PIN4: variants seen among roughly 807,000 people sequenced by gnomAD.
PIN4 encodes peptidylprolyl cis/trans isomerase, NIMA-interacting 4.
In PIN4, 3 loss-of-function variants were observed where a neutral mutation model predicts 8.3. That is an observed-to-expected ratio of 0.36 (90% CI 0.16 to 0.93). PIN4 has a LOEUF of 0.93. Ranked by LOEUF, PIN4 falls within the 40% of genes least tolerant of loss-of-function variation. PIN4 has a pLI of 0.44. For synonymous variants in PIN4, 18 were observed against 32.5 expected (o/e 0.55, Z 1.52); for missense variants, 75 against 100.6 (o/e 0.75, Z 1.09).
intron 3 of PIN4, among the ~76,000 whole-genome samples, chrX:72,230,582 T>C (rs1403610265): frequency 8.9e-6 from 1 of 112,528 alleles, no homozygotes; most frequent in African/African-American, 3.2e-5. Flanking sequence ...TTTTGTTTCT[T>C]TCCTCTTTCT....
intron 3 of PIN4, among the ~76,000 whole-genome samples, chrX:72,223,625 G>T (rs185972246): frequency 1.8e-4 from 20 of 111,020 alleles, no homozygotes; most frequent in Admixed American, 3.8e-4. Flanking sequence ...CTGACCTCAG[G>T]TGATCCACCC....
chrX:72,215,604 A>G (rs2042883372), intron 3 of PIN4, among the ~76,000 whole-genome samples: 1 of 111,665 alleles, frequency 9.0e-6, no homozygotes, highest in South Asian at 3.7e-4. Context: ...GACTAAAAAG[A>G]CTGCTTTGCC....
At position 72,223,180 on chromosome X, in the gene PIN4, C is replaced by CA. The variant is rs1163330497; in HGVS notation, c.312+26286dup. On this transcript the variant is annotated intron_variant, in intron 3 of 3. Transcript: ENST00000423432. ...TGAAACCCCGTCTCTACTAAAAATA[C>CA]AAAAAAAAAATTAGCCGGGCATGGT... Among the ~76,000 whole-genome samples the CA allele has an allele frequency of 3.5e-3, 329 of 94,602 alleles. 2 individuals are homozygous for CA. Among genetic ancestry groups the CA allele is most frequent in the African/African-American group, 0.012 (309 of 26,355 alleles). The allele number at this position is 94,602 out of a possible 115,157, so 82.2% of individuals were successfully genotyped here.
intron 1 of PIN4, among the ~76,000 whole-genome samples, chrX:72,184,302 T>C (rs2147564748): frequency 9.0e-6 from 1 of 111,471 alleles, no homozygotes; most frequent in South Asian, 3.8e-4. Context: ...AGGGAGAGGT[T>C]CTGTGAAGTT....
Position 72,259,385 on chromosome X carries a change from A to G in PIN4, c.313-3322A>G, listed in dbSNP as rs763181367. Among the ~76,000 whole-genome samples the G allele has an allele frequency of 2.8e-5, 3 of 108,589 alleles. No individual in the cohort carries two copies. In the East Asian group the frequency reaches 8.6e-4, roughly 31 times the overall value. 94.3% of individuals were successfully genotyped at this position (108,589 alleles called of 115,157 possible). A position where few individuals can be genotyped will look rare whatever the true frequency, so the allele number is the denominator to read the frequency against. On this transcript the variant is annotated intron_variant, in intron 3 of 3. Transcript: ENST00000423432. ...AGGCGCCCACCACCATGCCCGGCTA[A>G]TTTTTTATATTTTTAGTAGAGGAGG...
chrX:72,205,894 T>C (rs910523781), intron 3 of PIN4: 2 of 1,209,723 alleles, frequency 1.7e-6, no homozygotes, highest in Non-Finnish European at 2.2e-6. Flanking sequence ...TGCTGAGTCT[T>C]CCAAGAAAAG....
chrX:72,190,678 G>A (rs1007461869), intron 2 of PIN4, among the ~76,000 whole-genome samples: 1 of 110,859 alleles, frequency 9.0e-6, no homozygotes, highest in South Asian at 3.8e-4. Context: ...TCAGCCGGGC[G>A]CCGGTGGCTC....
chrX:72,250,586 C>A (rs1300739649), intron 3 of PIN4, among the ~76,000 whole-genome samples: 1 of 110,924 alleles, frequency 9.0e-6, no homozygotes, highest in Non-Finnish European at 1.9e-5. Flanking sequence ...TGGTAGCTCA[C>A]ACCTGTAATC....
intron 3 of PIN4, among the ~76,000 whole-genome samples, chrX:72,248,845 C>G (rs776640613): frequency 4.6e-5 from 5 of 109,820 alleles, no homozygotes; most frequent in African/African-American, 1.7e-4. Flanking sequence ...CCACTGCACT[C>G]CAGCCTGGGT....
chrX:72,216,602 T>C (rs1387573040), intron 3 of PIN4, among the ~76,000 whole-genome samples: 1 of 111,587 alleles, frequency 9.0e-6, no homozygotes, highest in Non-Finnish European at 1.9e-5. Flanking sequence ...TGACATCTAA[T>C]CTACTGTTTG....
At chrX:72,250,349 C>G (rs1038221686) in intron 3 of PIN4, among the ~76,000 whole-genome samples, 3 of 110,510 alleles carry the variant, frequency 2.7e-5, no homozygotes, top group African/African-American at 9.9e-5. Context: ...ATAGTCCCAG[C>G]TACTCAGGTG....
At chrX:72,255,112 G>A (rs2043104813) in intron 3 of PIN4, among the ~76,000 whole-genome samples, 1 of 109,308 alleles carries the variant, frequency 9.1e-6, no homozygotes, top group Non-Finnish European at 1.9e-5. Flanking sequence ...CCGCAGAAAG[G>A]CAGGGAGAAG....
chrX:72,243,326 CA>C (rs1174740357), intron 3 of PIN4, among the ~76,000 whole-genome samples: 2 of 109,973 alleles, frequency 1.8e-5, no homozygotes, highest in Non-Finnish European at 3.8e-5. Context: ...AAAAAATAAA[CA>C]AAAAAAGCTC....
intron 3 of PIN4, among the ~76,000 whole-genome samples, chrX:72,252,329 C>T (rs1246159882): frequency 9.1e-6 from 1 of 109,634 alleles, no homozygotes; most frequent in Non-Finnish European, 1.9e-5. Flanking sequence ...GAACTCCTGG[C>T]CTCAAATGAT....
At chrX:72,238,497 G>C (rs1481936991) in intron 3 of PIN4, among the ~76,000 whole-genome samples, 1 of 111,881 alleles carries the variant, frequency 8.9e-6, no homozygotes, top group Non-Finnish European at 1.9e-5. Flanking sequence ...CAAACAATTT[G>C]GGGGCGGGGA....
chrX:72,216,454 G>T (rs970879084), intron 3 of PIN4, among the ~76,000 whole-genome samples: 4 of 111,642 alleles, frequency 3.6e-5, no homozygotes, highest in African/African-American at 1.3e-4. Context: ...ACATAAAATT[G>T]CCATTTTAAC....
chrX:72,260,492 G>A (rs938268581), intron 3 of PIN4, among the ~76,000 whole-genome samples: 3 of 111,444 alleles, frequency 2.7e-5, no homozygotes, highest in Non-Finnish European at 5.7e-5. Context: ...GGCATGGCAC[G>A]CCTGAGAGAC....
intron 3 of PIN4, chrX:72,262,674 G>T: frequency 1.0e-6 from 1 of 980,408 alleles, no homozygotes. Context: ...GGTTACAATT[G>T]ATTGACATTA....
chrX:72,203,759 A>C (rs1465350810), intron 3 of PIN4, among the ~76,000 whole-genome samples: 1 of 111,641 alleles, frequency 9.0e-6, no homozygotes, highest in Non-Finnish European at 1.9e-5. Context: ...TGGAAATGCT[A>C]TTCTCCCTTC....
Sources: allele counts gnomAD v4.1 joint callset (sites outside exome capture counted in the v4.1 genomes callset), GRCh38; gene constraint gnomAD v4.1.1; transcripts MANE v1.5; gene names NCBI Gene and HGNC (gene_info 2026-07-23, HGNC 2026-07-21).